Variants in STAM observed in about 807,000 individuals in gnomAD.
The protein encoded by STAM is signal transducing adaptor molecule, also known as signal transducing adapter molecule 1.
Under a neutral mutation model 63.4 loss-of-function variants are expected in STAM, and 16 were observed. The observed-to-expected ratio is 0.25, with a 90% CI of 0.17 to 0.38. The LOEUF is 0.38. Ranked by LOEUF, STAM falls within the 10% of genes least tolerant of loss-of-function variation. The pLI, the probability that STAM is intolerant of heterozygous loss-of-function variation, is 1.00. For missense variants in STAM, 636 were observed against 657.1 expected (o/e 0.97, Z 0.35); for synonymous variants, 238 against 223.9 (o/e 1.06, Z -0.56).
intron 5 of STAM, among the ~76,000 whole-genome samples, chr10:17,692,943 T>G (rs1178805437): frequency 6.6e-6 from 1 of 152,182 alleles, no homozygotes; most frequent in Non-Finnish European, 1.5e-5. Context: ...TAGTCTGTCT[T>G]CTCTGACTTG....
At chr10:17,660,589 T>C (rs1554822756) in intron 2 of STAM, 41 bp downstream of exon 2, 1 of 1,522,602 alleles carries the variant, frequency 6.6e-7, no homozygotes, top group African/African-American at 1.4e-5. Context: ...TTCTTTCTTT[T>C]TAAAAAACAC....
intron 2 of STAM, among the ~76,000 whole-genome samples, chr10:17,683,631 T>C (rs1835175816): frequency 6.6e-6 from 1 of 152,022 alleles, no homozygotes; most frequent in Non-Finnish European, 1.5e-5. Context: ...ATTTTACATA[T>C]TTTTTTGTCT....
At chr10:17,665,123 G>A (rs1054316472) in intron 2 of STAM, among the ~76,000 whole-genome samples, 11 of 151,524 alleles carry the variant, frequency 7.3e-5, no homozygotes, top group African/African-American at 2.7e-4. Flanking sequence ...GTTTCATTTA[G>A]TCAGAACTGT....
intron 2 of STAM, among the ~76,000 whole-genome samples, chr10:17,661,774 T>G (rs1834177427): frequency 6.6e-6 from 1 of 152,194 alleles, no homozygotes; most frequent in Admixed American, 6.5e-5. Flanking sequence ...CTTAATCAAG[T>G]TTTTGAGCAT....
At chr10:17,660,870 C>T (rs1160777424) in intron 2 of STAM, among the ~76,000 whole-genome samples, 2 of 151,930 alleles carry the variant, frequency 1.3e-5, no homozygotes, top group Non-Finnish European at 2.9e-5. Context: ...GTTTATATAC[C>T]TTTTAACCAG....
At chr10:17,685,013 C>T (rs1219131706) in intron 4 of STAM, 86 bp downstream of exon 4, 1 of 1,111,034 alleles carries the variant, frequency 9.0e-7, no homozygotes, top group South Asian at 1.6e-5. Flanking sequence ...GAGGACTATT[C>T]TGTGCTTTTT....
chr10:17,716,649 A>G lies in STAM; in HGVS notation c.*1869A>G, dbSNP rs1398671023. Among the ~76,000 whole-genome samples, 1 of 152,154 alleles carries G rather than the reference A, an allele frequency of 6.6e-6. No individual in the cohort carries two copies. Among genetic ancestry groups the G allele is most frequent in the Non-Finnish European group, 1.5e-5 (1 of 68,018 alleles). ...GTTAAATGTATCATTTTCCCATTTT[A>G]ATTTTGATATCTTTCATGCTGAAAA... On this transcript the variant is annotated 3_prime_UTR_variant, in exon 14 of 14. Transcript: ENST00000377524.
intron 2 of STAM, among the ~76,000 whole-genome samples, chr10:17,679,319 A>ATG (rs1232527530): frequency 1.3e-5 from 2 of 152,172 alleles, no homozygotes; most frequent in Non-Finnish European, 2.9e-5. Context: ...ATTGCTAGCG[A>ATG]TGTTGAGCAT....
At position 17,688,190 on chromosome 10, in the gene STAM, G is replaced by A; in HGVS notation, c.444+17G>A. 6.6e-7 allele frequency: 1 copy of A among 1,516,434 alleles called. No homozygotes were observed. The highest frequency in any genetic ancestry group is 8.8e-7 in the Non-Finnish European group (1 of 1,130,282). The allele number at this position is 1,516,434 out of a possible 1,614,324, so 93.9% of individuals were successfully genotyped here. Reference sequence around the variant, plus strand: ...GGCTCTCAGGTATTTTGGGAATGAAGTTGTGTGTGTGCTACAGTTTGTTTC... The same window carrying A: ...GGCTCTCAGGTATTTTGGGAATGAAATTGTGTGTGTGCTACAGTTTGTTTC... On this transcript the variant is annotated intron_variant, in intron 5 of 13. Transcript: ENST00000377524.
chr10:17,687,968 CTG>C (rs1835362613), intron 4 of STAM, 57 bp from the exon 5 acceptor site: 2 of 1,372,258 alleles, frequency 1.5e-6, no homozygotes, highest in Non-Finnish European at 1.9e-6. Context: ...TTTAAAATGT[CTG>C]TATTAAATCA....
chr10:17,657,035 T>A (rs1422536570), intron 1 of STAM, among the ~76,000 whole-genome samples: 5 of 152,162 alleles, frequency 3.3e-5, no homozygotes, highest in African/African-American at 1.2e-4. Context: ...GAAAGTTGTA[T>A]GCATGCCCAT....
In STAM at chr10:17,704,962, C is replaced by G; in HGVS notation, c.1001-8C>G. On this transcript the variant is annotated splice_region_variant and splice_polypyrimidine_tract_variant and intron_variant, in intron 10 of 13. Coordinates refer to ENST00000377524, the MANE Select transcript of STAM (RefSeq NM_003473.4). ...TTTCTTATATTTCTTCACATCTTGT[C>G]ATTTTAGCAATGTGTCACCAGATGG... is the stretch of plus-strand genomic sequence containing the variant. 6.2e-7 allele frequency: 1 copy of G among 1,608,154 alleles called. No individual in the cohort carries two copies. Among genetic ancestry groups the G allele is most frequent in the Non-Finnish European group, 8.5e-7 (1 of 1,176,848 alleles).
intron 1 of STAM, among the ~76,000 whole-genome samples, chr10:17,649,987 C>T (rs1833674821): frequency 6.6e-6 from 1 of 152,204 alleles, no homozygotes; most frequent in Admixed American, 6.5e-5. Flanking sequence ...ATTTCCCTGC[C>T]TCTGCTAAAT....
chr10:17,680,596 A>G (rs1835046503), intron 2 of STAM, among the ~76,000 whole-genome samples: 1 of 152,006 alleles, frequency 6.6e-6, no homozygotes, highest in Admixed American at 6.6e-5. Flanking sequence ...TTGTAGAGAC[A>G]GGGTCCCACT....
intron 12 of STAM, among the ~76,000 whole-genome samples, chr10:17,707,296 GCTA>G (rs1219196115): frequency 3.0e-4 from 46 of 152,190 alleles, no homozygotes; most frequent in African/African-American, 1.0e-3. Context: ...TATAGTCCCA[GCTA>G]CTTGGGAGGC....
At chr10:17,654,834 G>A (rs12766444) in intron 1 of STAM, among the ~76,000 whole-genome samples, 40,124 of 151,916 alleles carry the variant, frequency 0.26, 5,487 homozygotes, top group Middle Eastern at 0.33. Flanking sequence ...GGAACTCTTG[G>A]CATTCTGATG....
At chr10:17,709,338 T>C (rs1013399344) in intron 13 of STAM, among the ~76,000 whole-genome samples, 1 of 152,222 alleles carries the variant, frequency 6.6e-6, no homozygotes, top group African/African-American at 2.4e-5. Flanking sequence ...TTTTAAAATA[T>C]ATAGTTCTGA....
chr10:17,696,414 A>G (rs545702485), intron 7 of STAM, among the ~76,000 whole-genome samples: 1 of 152,272 alleles, frequency 6.6e-6, no homozygotes, highest in Admixed American at 6.5e-5. Flanking sequence ...TGATTTAGGA[A>G]TGGAGACTGA....
chr10:17,714,833 T>A lies in STAM; in HGVS notation c.*53T>A. 3 of 1,461,742 alleles carry A rather than the reference T, an allele frequency of 2.1e-6. No individual in the cohort carries two copies. The highest frequency in any genetic ancestry group is 2.9e-6 in the Non-Finnish European group (3 of 1,041,368). The allele number at this position is 1,461,742 out of a possible 1,614,324, so 90.5% of individuals were successfully genotyped here. ...ACCTGCTAAATGCCACTGACAATGT[T>A]ATGAGATTCATTACTATCTTAAGAT... On this transcript the variant is annotated 3_prime_UTR_variant, in exon 14 of 14. Transcript: ENST00000377524.
Sources: allele counts gnomAD v4.1 joint callset (sites outside exome capture counted in the v4.1 genomes callset), GRCh38; gene constraint gnomAD v4.1.1; transcripts MANE v1.5; gene names NCBI Gene and HGNC (gene_info 2026-07-23, HGNC 2026-07-21).